Variants in CGA observed in about 807,000 individuals in gnomAD.
CGA encodes the protein glycoprotein hormones, alpha polypeptide.
CGA carries 4 observed loss-of-function variants against 12.0 expected under a neutral mutation model. The observed-to-expected ratio is 0.33, with a 90% CI of 0.16 to 0.76. The LOEUF is 0.76. Ranked by LOEUF, CGA falls within the 30% of genes least tolerant of loss-of-function variation. The pLI is 0.60. For missense variants in CGA, 102 were observed against 143.5 expected (o/e 0.71, Z 1.48); for synonymous variants, 60 against 56.6 (o/e 1.06, Z -0.27).
intron 3 of CGA, 134 bp from the exon 4 acceptor site, chr6:87,085,967 C>G: frequency 1.4e-6 from 1 of 727,694 alleles, no homozygotes; most frequent in South Asian, 1.7e-5. Context: ...TTTGCACAGT[C>G]TCCTTTTTAG....
At chr6:87,087,262 C>A (rs2127754199) in intron 2 of CGA, among the ~76,000 whole-genome samples, 1 of 152,204 alleles carries the variant, frequency 6.6e-6, no homozygotes, top group South Asian at 2.1e-4. Flanking sequence ...GATTAATGTT[C>A]ATGGGAAATA....
intron 1 of CGA, 181 bp downstream of exon 1, chr6:87,094,832 A>G (rs1472623632): frequency 6.6e-6 from 1 of 152,182 alleles, no homozygotes; most frequent in Non-Finnish European, 1.5e-5. Flanking sequence ...ATCTTACCCT[A>G]TGATCACAGC....
intron 1 of CGA, among the ~76,000 whole-genome samples, chr6:87,094,145 A>G (rs78590098): frequency 0.014 from 2,107 of 152,314 alleles, 22 homozygotes; most frequent in Non-Finnish European, 0.022. Flanking sequence ...AAGATTGAAG[A>G]GCTTAAGAAA....
chr6:87,086,316 C>T lies in CGA; in HGVS notation c.207G>A (p.Lys69=), dbSNP rs1310782740. ...TGACGTTCTTTTGGACCAACATCGT[C>T]TTCTTGGACCTTAGTGGAGTGGGAT... The part of the protein sequence containing the change: ...RAYPTPLRSK[K]TMLVQKNVTS... The change falls in exon 3 of 4, where the codon AAG becomes AAA. Residue 69 remains lysine (K), a synonymous_variant. Transcript: ENST00000627148. The T allele has an allele frequency of 2.5e-6, 4 of 1,614,104 alleles. No individual in the cohort carries two copies. Among genetic ancestry groups the T allele is most frequent in the Admixed American group, 1.7e-5 (1 of 60,002 alleles).
intron 1 of CGA, among the ~76,000 whole-genome samples, chr6:87,093,823 C>T (rs1442002091): frequency 6.6e-6 from 1 of 152,140 alleles, no homozygotes; most frequent in East Asian, 1.9e-4. Flanking sequence ...CACACACTAC[C>T]CTTTTCAGCA....
chr6:87,086,310 C>T lies in CGA; in HGVS notation c.213G>A (p.Met71Ile). 1.9e-6 allele frequency: 3 copies of T among 1,614,116 alleles called. No homozygotes were observed. The highest frequency in any genetic ancestry group is 2.5e-6 in the Non-Finnish European group (3 of 1,180,006). Residue 71 changes from methionine to isoleucine, a missense_variant, in exon 3 of 4, where the codon ATG (methionine) becomes ATA (isoleucine). Physicochemically the swap from Met to Ile is conservative, Grantham distance 10. Transcript: ENST00000627148. The stretch of plus-strand genomic sequence containing the variant: ...CTGAGGTGACGTTCTTTTGGACCAA[C>T]ATCGTCTTCTTGGACCTTAGTGGAG... The part of the protein sequence containing the change: ...YPTPLRSKKT[M>I]LVQKNVTSES...
In CGA at chr6:87,085,751, A is replaced by G. The variant is rs781547088; in HGVS notation, c.*5T>C. The G allele has an allele frequency of 1.0e-5, 16 of 1,602,508 alleles. No homozygotes were observed. Among genetic ancestry groups the G allele is most frequent in the Non-Finnish European group, 1.3e-5 (15 of 1,170,212 alleles). On this transcript the variant is annotated 3_prime_UTR_variant, in exon 4 of 4. Coordinates refer to ENST00000627148, the MANE Select transcript of CGA (RefSeq NM_000735.4). ...CAGTCATCAAGACAGCACTTGGTAAAACATTTAAGATTTGTGATAATAACA... is the reference window on the plus strand; with the variant it reads ...CAGTCATCAAGACAGCACTTGGTAAGACATTTAAGATTTGTGATAATAACA...
intron 3 of CGA, 98 bp from the exon 4 acceptor site, chr6:87,085,931 G>T: frequency 2.3e-6 from 2 of 864,896 alleles, no homozygotes; most frequent in Non-Finnish European, 3.8e-6. Flanking sequence ...TTTGCATTCT[G>T]CTGAAATAAG....
intron 1 of CGA, among the ~76,000 whole-genome samples, chr6:87,094,192 T>C (rs1464402381): frequency 6.6e-6 from 1 of 152,210 alleles, no homozygotes; most frequent in Non-Finnish European, 1.5e-5. Flanking sequence ...GCTTCTGCAT[T>C]CCTAAGGGAC....
intron 2 of CGA, among the ~76,000 whole-genome samples, chr6:87,086,815 C>T (rs1177036558): frequency 2.0e-5 from 3 of 151,090 alleles, no homozygotes; most frequent in African/African-American, 4.9e-5. Context: ...TGGTGGCTCA[C>T]GCCTGTAATC....
At chr6:87,088,808 AT>A (rs1769377526) in intron 1 of CGA, 1 of 152,218 alleles carries the variant, frequency 6.6e-6, no homozygotes, top group African/African-American at 2.4e-5. Context: ...GGAATACAAA[AT>A]GGTACAGCCA....
At chr6:87,086,139 G>A (rs766088893) in intron 3 of CGA, 111 bp downstream of exon 3, 15 of 962,852 alleles carry the variant, frequency 1.6e-5, no homozygotes, top group South Asian at 4.7e-5. Flanking sequence ...ACAAATGCTC[G>A]ACAGAGGCTG....
At chr6:87,094,649 G>A (rs1410613739) in intron 1 of CGA, among the ~76,000 whole-genome samples, 1 of 152,162 alleles carries the variant, frequency 6.6e-6, no homozygotes, top group African/African-American at 2.4e-5. Context: ...CTTAAAAATG[G>A]ATAATAAAAC....
chr6:87,087,082 A>C (rs983123382), intron 2 of CGA, among the ~76,000 whole-genome samples: 5 of 152,194 alleles, frequency 3.3e-5, no homozygotes, highest in South Asian at 2.1e-4. Context: ...CTGTCTCAAA[A>C]GAAAAGGCAA....
Position 87,086,304 on chromosome 6 carries a change from G to A in CGA, c.219C>T (p.Val73=), listed in dbSNP as rs757370471. 15 of 1,614,028 alleles carry A rather than the reference G, an allele frequency of 9.3e-6. No homozygotes were observed. In the South Asian group the frequency reaches 1.5e-4, roughly 17 times the overall value. The change falls in exon 3 of 4, where the codon GTC becomes GTT. Residue 73 remains valine (V), a synonymous_variant. Coordinates refer to ENST00000627148, the MANE Select transcript of CGA (RefSeq NM_000735.4). ...TPLRSKKTML[V]QKNVTSESTC... is the part of the protein sequence containing the mutation. Reference sequence around the variant, plus strand: ...TGGACTCTGAGGTGACGTTCTTTTGGACCAACATCGTCTTCTTGGACCTTA... The same window carrying A: ...TGGACTCTGAGGTGACGTTCTTTTGAACCAACATCGTCTTCTTGGACCTTA...
chr6:87,085,645 T>G lies in CGA; in HGVS notation c.*111A>C. ...AGTATATCCTTGAAGCGTGTCAAAG[T>G]GGTATGGTAAGGAAAAGGAGAGTTT... On this transcript the variant is annotated 3_prime_UTR_variant, in exon 4 of 4. Coordinates refer to ENST00000627148, the MANE Select transcript of CGA (RefSeq NM_000735.4). 1 of 736,234 alleles carries G rather than the reference T, an allele frequency of 1.4e-6. No homozygotes were observed. The highest frequency in any genetic ancestry group is 2.7e-5 in the East Asian group (1 of 36,796). 45.6% of individuals were successfully genotyped at this position (736,234 alleles called of 1,614,324 possible). A position where few individuals can be genotyped will look rare whatever the true frequency, so the allele number is the denominator to read the frequency against.
At chr6:87,090,424 T>C (rs1306971640) in intron 1 of CGA, among the ~76,000 whole-genome samples, 1 of 152,162 alleles carries the variant, frequency 6.6e-6, no homozygotes, top group African/African-American at 2.4e-5. Context: ...GGCCAGACGA[T>C]GAAGAGTTTT....
chr6:87,086,088 G>T, intron 3 of CGA, 162 bp downstream of exon 3: 1 of 692,604 alleles, frequency 1.4e-6, no homozygotes, highest in Non-Finnish European at 2.5e-6. Context: ...CAAGACAATT[G>T]ACTCTTTTAA....
Position 87,085,764 on chromosome 6 carries a change from T to C in CGA, c.343A>G (p.Lys115Glu). ...AGCACTTGGTAAAACATTTAAGATT[T>C]GTGATAATAACAAGTACTGCAGTGG... is the stretch of plus-strand genomic sequence containing the variant. Reference protein sequence around the residue: ...ACHCSTCYYHKS With the variant: ...ACHCSTCYYHES The change falls in exon 4 of 4, where the codon AAA becomes GAA. Residue 115 changes from lysine to glutamate, a missense_variant. Transcript: ENST00000627148. The C allele has an allele frequency of 6.2e-7, 1 of 1,609,188 alleles. No homozygotes were observed. Among genetic ancestry groups the C allele is most frequent in the Non-Finnish European group, 8.5e-7 (1 of 1,175,956 alleles).
Sources: allele counts gnomAD v4.1 joint callset (sites outside exome capture counted in the v4.1 genomes callset), GRCh38; gene constraint gnomAD v4.1.1; transcripts MANE v1.5; gene names NCBI Gene and HGNC (gene_info 2026-07-23, HGNC 2026-07-21).